The following NCKAP5 variants were observed in gnomAD, a reference collection of about 807,000 sequenced individuals.
NCKAP5 encodes the protein NCK associated protein 5, also known as nck-associated protein 5.
NCKAP5 carries 92 observed loss-of-function variants against 167.0 expected under a neutral mutation model. The observed-to-expected ratio is 0.55, with a 90% CI of 0.47 to 0.66. NCKAP5 has a LOEUF of 0.66. Among genes scored for constraint, NCKAP5 ranks in the 30% least tolerant of loss-of-function variants. The pLI is 0.00. For missense variants in NCKAP5, 2,378 were observed against 2,315.0 expected (o/e 1.03, Z -0.56); for synonymous variants, 891 against 877.4 (o/e 1.02, Z -0.27).
chr2:133,450,430 C>A (rs535829524), intron 3 of NCKAP5, among the ~76,000 whole-genome samples: 1 of 152,260 alleles, frequency 6.6e-6, no homozygotes, highest in East Asian at 1.9e-4. Flanking sequence ...TCCATTAATG[C>A]GGCCTATGGT....
intron 6 of NCKAP5, among the ~76,000 whole-genome samples, chr2:133,086,194 T>C (rs575153492): frequency 1.3e-5 from 2 of 152,292 alleles, no homozygotes; most frequent in African/African-American, 2.4e-5. Flanking sequence ...GCATACCAGG[T>C]GCTACCCGTG....
At chr2:133,336,707 T>C (rs191082203) in intron 3 of NCKAP5, among the ~76,000 whole-genome samples, 18 of 152,256 alleles carry the variant, frequency 1.2e-4, no homozygotes, top group African/African-American at 4.3e-4. Flanking sequence ...AATAAGAAAA[T>C]GGGAAATTTT....
chr2:132,984,254 C>T lies in NCKAP5; in HGVS notation c.429+9898G>A, dbSNP rs147241708. Among the ~76,000 whole-genome samples, 40 of 152,250 alleles carry T rather than the reference C, an allele frequency of 2.6e-4. 2 individuals carry two copies. In the East Asian group the frequency reaches 4.4e-3, roughly 17 times the overall value. ...CATACTAAGGCCCAGTCTCAGCTGCCGGAGACTCTATGGAACTGTTCTGGG... is the reference window on the plus strand; with the variant it reads ...CATACTAAGGCCCAGTCTCAGCTGCTGGAGACTCTATGGAACTGTTCTGGG... On this transcript the variant is annotated intron_variant, in intron 7 of 19. Transcript: ENST00000409261.
At chr2:133,018,096 A>G (rs2078404498) in intron 6 of NCKAP5, among the ~76,000 whole-genome samples, 1 of 152,032 alleles carries the variant, frequency 6.6e-6, no homozygotes, top group African/African-American at 2.4e-5. Context: ...CTGTAACACT[A>G]TTTTATCACT....
intron 5 of NCKAP5, among the ~76,000 whole-genome samples, chr2:133,169,339 A>G (rs2149981780): frequency 6.6e-6 from 1 of 152,314 alleles, no homozygotes; most frequent in Admixed American, 6.5e-5. Flanking sequence ...ATCAAGATGG[A>G]AATCTTTTCT....
At chr2:133,647,996 T>C in the NCKAP5 span, among the ~76,000 whole-genome samples, 1 of 152,088 alleles carries the variant, frequency 6.6e-6, no homozygotes, top group Non-Finnish European at 1.5e-5. Flanking sequence ...TATAAGAAAT[T>C]GATTTAAATT....
At chr2:133,444,746 C>T (rs1371379215) in intron 3 of NCKAP5, among the ~76,000 whole-genome samples, 1 of 152,160 alleles carries the variant, frequency 6.6e-6, no homozygotes, top group Non-Finnish European at 1.5e-5. Flanking sequence ...CAGGAGTCAG[C>T]CCTCTCCATG....
intron 4 of NCKAP5, among the ~76,000 whole-genome samples, chr2:133,229,021 C>T (rs2087020664): frequency 6.6e-6 from 1 of 152,022 alleles, no homozygotes; most frequent in Non-Finnish European, 1.5e-5. Flanking sequence ...TGAATGGAAC[C>T]AATCTGTAAA....
At chr2:133,092,740 C>A (rs907048611) in intron 6 of NCKAP5, among the ~76,000 whole-genome samples, 1 of 152,182 alleles carries the variant, frequency 6.6e-6, no homozygotes, top group Non-Finnish European at 1.5e-5. Context: ...CAGTAAACCA[C>A]TGGTACGTTT....
chr2:133,043,126 C>G (rs2079270714), intron 6 of NCKAP5, among the ~76,000 whole-genome samples: 1 of 152,136 alleles, frequency 6.6e-6, no homozygotes, highest in Admixed American at 6.6e-5. Context: ...GACAATGCTC[C>G]TGTTGGGTTC....
chr2:132,893,562 A>G (rs969897532), intron 8 of NCKAP5, among the ~76,000 whole-genome samples: 3 of 152,240 alleles, frequency 2.0e-5, no homozygotes, highest in Non-Finnish European at 4.4e-5. Flanking sequence ...ACACACACAA[A>G]ATCTTCCAAC....
chr2:133,028,359 T>C (rs1361751321), intron 6 of NCKAP5, among the ~76,000 whole-genome samples: 1 of 152,206 alleles, frequency 6.6e-6, no homozygotes, highest in East Asian at 1.9e-4. Context: ...ATAATTTTAC[T>C]TTTCCATGAT....
intron 3 of NCKAP5, among the ~76,000 whole-genome samples, chr2:133,396,657 T>C (rs184341958): frequency 1.7e-3 from 254 of 152,276 alleles, no homozygotes; most frequent in Non-Finnish European, 2.7e-3. Context: ...ATCAGTCATA[T>C]TGGATGAGGA....
intron 6 of NCKAP5, among the ~76,000 whole-genome samples, chr2:133,084,235 G>A (rs907378469): frequency 6.6e-6 from 1 of 152,102 alleles, no homozygotes; most frequent in Non-Finnish European, 1.5e-5. Context: ...GGCCTTGAAT[G>A]TCACAGTAAA....
chr2:133,505,983 C>T (rs1322642192), intron 3 of NCKAP5, among the ~76,000 whole-genome samples: 1 of 152,104 alleles, frequency 6.6e-6, no homozygotes, highest in Admixed American at 6.5e-5. Context: ...TCATAGTGTC[C>T]CACCATTGAA....
chr2:133,554,213 C>G (rs982494268), intron 2 of NCKAP5: 1 of 152,182 alleles, frequency 6.6e-6, no homozygotes, highest in Non-Finnish European at 1.5e-5. Flanking sequence ...TTTATTCACT[C>G]AAAGTCAACT....
intron 3 of NCKAP5, among the ~76,000 whole-genome samples, chr2:133,370,073 T>A (rs1384400918): frequency 6.6e-6 from 1 of 152,152 alleles, no homozygotes; most frequent in Non-Finnish European, 1.5e-5. Flanking sequence ...TTGATGTCAC[T>A]GGAGACCCTG....
intron 6 of NCKAP5, among the ~76,000 whole-genome samples, chr2:133,024,459 G>A (rs1214905683): frequency 6.6e-6 from 1 of 152,014 alleles, no homozygotes; most frequent in African/African-American, 2.4e-5. Context: ...ATAAACTATG[G>A]CATTTTATTT....
At position 133,509,549 on chromosome 2, in the gene NCKAP5, A is replaced by G. The variant is rs1036704145; in HGVS notation, c.69+7909T>C. Among the ~76,000 whole-genome samples, 5 of 152,290 alleles carry G rather than the reference A, an allele frequency of 3.3e-5. 1 individual carries two copies. The highest frequency in any genetic ancestry group is 2.0e-4 in the Admixed American group (3 of 15,296). On this transcript the variant is annotated intron_variant, in intron 3 of 19. Coordinates refer to ENST00000409261, the MANE Select transcript of NCKAP5 (RefSeq NM_207363.3). ...TGCTCACTGCTAAGTTCACTCACTC[A>G]TTCATTCATTTTACTGAGCTTTTTC...
Sources: allele counts gnomAD v4.1 joint callset (sites outside exome capture counted in the v4.1 genomes callset), GRCh38; gene constraint gnomAD v4.1.1; transcripts MANE v1.5; gene names NCBI Gene and HGNC (gene_info 2026-07-23, HGNC 2026-07-21).